Variants in VKORC1L1 observed in about 807,000 individuals in gnomAD.
The protein encoded by VKORC1L1 is vitamin K epoxide reductase complex subunit 1L1, also known as vitamin K epoxide reductase complex subunit 1-like protein 1.
VKORC1L1 carries 2 observed loss-of-function variants against 18.9 expected under a neutral mutation model. The ratio of observed to expected loss-of-function variants is 0.11; its 90% confidence interval spans 0.04 to 0.33. VKORC1L1 has a LOEUF of 0.33. VKORC1L1 is among the 10% of genes least tolerant of loss of function. The pLI is 1.00. For synonymous variants in VKORC1L1, 96 were observed against 100.0 expected (o/e 0.96, Z 0.24); for missense variants, 123 against 224.1 (o/e 0.55, Z 2.88).
intron 1 of VKORC1L1, among the ~76,000 whole-genome samples, chr7:65,916,534 TG>T (rs1252731702): frequency 2.6e-5 from 4 of 152,106 alleles, no homozygotes; most frequent in African/African-American, 9.7e-5. Context: ...TAGGGGGAAA[TG>T]GAATTAGAAG....
In VKORC1L1 at chr7:65,895,516, T is replaced by TACACACACAC. The variant is rs1554395162; in HGVS notation, c.194+21965_194+21974dup. 3.6e-3 allele frequency among the ~76,000 whole-genome samples: 258 copies of TACACACACAC among 71,170 alleles called. 3 individuals carry two copies. Among genetic ancestry groups the TACACACACAC allele is most frequent in the Non-Finnish European group, 5.0e-3 (186 of 37,244 alleles). The allele number at this position is 71,170 out of a possible 152,430, so 46.7% of individuals were successfully genotyped here. On this transcript the variant is annotated intron_variant, in intron 1 of 2. Transcript: ENST00000360768. The stretch of plus-strand genomic sequence containing the variant: ...ATATATATATATATATATATATATA[T>TACACACACAC]ACACACACACACACACACACACATA...
chr7:65,928,083 A>G (rs1789795364), intron 1 of VKORC1L1, among the ~76,000 whole-genome samples: 1 of 152,004 alleles, frequency 6.6e-6, no homozygotes, highest in Admixed American at 6.6e-5. Flanking sequence ...TATTTTCTAC[A>G]TGCCCCAAGA....
rs1396422380 is a variant in VKORC1L1 at position 65,887,249 on chromosome 7, G to C, written c.194+13684G>C. 3.3e-5 allele frequency among the ~76,000 whole-genome samples: 5 copies of C among 151,992 alleles called. No homozygotes were observed. The East Asian group carries it at 5.8e-4, about 18-fold the overall frequency. ...TCATCTGTACTGTTAATTCATAACAGTTTTCTTAAAATTTACTAAAGAAAC... is the reference window on the plus strand; with the variant it reads ...TCATCTGTACTGTTAATTCATAACACTTTTCTTAAAATTTACTAAAGAAAC... On this transcript the variant is annotated intron_variant, in intron 1 of 2. Coordinates refer to ENST00000360768, the MANE Select transcript of VKORC1L1 (RefSeq NM_173517.6).
upstream of VKORC1L1, among the ~76,000 whole-genome samples, chr7:65,872,453 C>G (rs1181130028): frequency 2.0e-5 from 3 of 151,868 alleles, no homozygotes; most frequent in Non-Finnish European, 4.4e-5. Context: ...GCTGGGATTA[C>G]AGGCGCCCAC....
At chr7:65,952,778 C>CTTTTTTTTTTTTTTTTTT (rs11395208) in intron 2 of VKORC1L1, among the ~76,000 whole-genome samples, 1 of 86,612 alleles carries the variant, frequency 1.2e-5, no homozygotes, top group African/African-American at 4.7e-5. Flanking sequence ...TTTTTTTTTC[C>CTTTTTTTTTTTTTTTTTT]TTTTTTTTTT....
chr7:65,921,862 A>T (rs1467441601), intron 1 of VKORC1L1, among the ~76,000 whole-genome samples: 1 of 151,830 alleles, frequency 6.6e-6, no homozygotes. Flanking sequence ...AAAAAAAAAA[A>T]ATTTTTTTTA....
chr7:65,922,036 C>T (rs1260540141), intron 1 of VKORC1L1, among the ~76,000 whole-genome samples: 3 of 152,074 alleles, frequency 2.0e-5, no homozygotes, highest in Non-Finnish European at 1.5e-5. Context: ...TTATTGAACT[C>T]TAATATAAAT....
At chr7:65,931,543 G>GAT (rs1437769995) in intron 1 of VKORC1L1, among the ~76,000 whole-genome samples, 1 of 152,072 alleles carries the variant, frequency 6.6e-6, no homozygotes, top group Non-Finnish European at 1.5e-5. Context: ...TGTGTCTAGT[G>GAT]ATATCCCTTC....
chr7:65,931,650 T>C (rs557625888), intron 1 of VKORC1L1, among the ~76,000 whole-genome samples: 33 of 152,324 alleles, frequency 2.2e-4, no homozygotes, highest in African/African-American at 7.7e-4. Flanking sequence ...GATTTTCTTT[T>C]TCTTTTTTTG....
chr7:65,918,026 C>G (rs1252608693), intron 1 of VKORC1L1, among the ~76,000 whole-genome samples: 2 of 152,140 alleles, frequency 1.3e-5, no homozygotes, highest in Non-Finnish European at 2.9e-5. Context: ...AGTGACAGTT[C>G]TGTCTCGATA....
In VKORC1L1 at chr7:65,946,569, A is replaced by G. The variant is rs570989396; in HGVS notation, c.195-2102A>G. ...AGAGTGATTGTGCTTTAAAAATTTC[A>G]GAAGCACTGATCTAGAGTTTCCCCT... On this transcript the variant is annotated intron_variant, in intron 1 of 2. Transcript: ENST00000360768. 3.3e-5 allele frequency among the ~76,000 whole-genome samples: 5 copies of G among 152,316 alleles called. No homozygotes were observed. The East Asian group carries it at 9.6e-4, about 29-fold the overall frequency.
chr7:65,941,034 ATAGT>A (rs1790024041), intron 1 of VKORC1L1, among the ~76,000 whole-genome samples: 1 of 152,150 alleles, frequency 6.6e-6, no homozygotes, highest in South Asian at 2.1e-4. Context: ...AAAAGTTGGG[ATAGT>A]TAGTGCTTTT....
At position 65,901,295 on chromosome 7, in the gene VKORC1L1, G is replaced by A. The variant is rs546190560; in HGVS notation, c.194+27730G>A. Reference sequence around the variant, plus strand: ...GAGGATGCCTTGAGCCCAGGAGATTGAAGCTGCAGTGAATTATGAGCCAAT... The same window carrying A: ...GAGGATGCCTTGAGCCCAGGAGATTAAAGCTGCAGTGAATTATGAGCCAAT... On this transcript the variant is annotated intron_variant, in intron 1 of 2. Coordinates refer to ENST00000360768, the MANE Select transcript of VKORC1L1 (RefSeq NM_173517.6). Among the ~76,000 whole-genome samples the A allele has an allele frequency of 2.6e-5, 4 of 152,224 alleles. No homozygotes were observed. The South Asian group carries it at 6.2e-4, about 24-fold the overall frequency.
At chr7:65,869,748 T>C (rs1263287446), upstream of VKORC1L1, among the ~76,000 whole-genome samples, 6 of 145,822 alleles carry the variant, frequency 4.1e-5, no homozygotes. Flanking sequence ...ACTCCTGGGC[T>C]CAAGTAATCC....
rs1307842704 is a variant in VKORC1L1 at position 65,958,291 on chromosome 7, A to G, written c.*3991A>G. 1 of 152,244 alleles carries G rather than the reference A, an allele frequency of 6.6e-6. No individual in the cohort carries two copies. Among genetic ancestry groups the G allele is most frequent in the East Asian group, 1.9e-4 (1 of 5,206 alleles). 9.4% of individuals were successfully genotyped at this position (152,244 alleles called of 1,614,324 possible). A position where few individuals can be genotyped will look rare whatever the true frequency, so the allele number is the denominator to read the frequency against. ...TGTATTAAGCATGGCCTAAGTATTT[A>G]TTAGGTATATGATCTGTGTAGTATG... On this transcript the variant is annotated 3_prime_UTR_variant, in exon 3 of 3. Coordinates refer to ENST00000360768, the MANE Select transcript of VKORC1L1 (RefSeq NM_173517.6).
chr7:65,909,991 C>A (rs1017134559), intron 1 of VKORC1L1, among the ~76,000 whole-genome samples: 3 of 152,092 alleles, frequency 2.0e-5, no homozygotes, highest in Admixed American at 6.6e-5. Flanking sequence ...GCTGGGATTA[C>A]AGGCATGAAC....
chr7:65,932,862 G>A (rs1270847474), intron 1 of VKORC1L1, among the ~76,000 whole-genome samples: 1 of 151,938 alleles, frequency 6.6e-6, no homozygotes, highest in Non-Finnish European at 1.5e-5. Flanking sequence ...GGTGGATCAC[G>A]AGGTCAGGAG....
At chr7:65,949,436 G>A (rs942492385) in intron 2 of VKORC1L1, among the ~76,000 whole-genome samples, 3 of 151,686 alleles carry the variant, frequency 2.0e-5, no homozygotes, top group African/African-American at 7.3e-5. Context: ...CTGAGATCGC[G>A]CCATTGCACT....
chr7:65,870,299 G>A (rs1464531324), upstream of VKORC1L1, among the ~76,000 whole-genome samples: 1 of 150,974 alleles, frequency 6.6e-6, no homozygotes, highest in Non-Finnish European at 1.5e-5. Flanking sequence ...GCGTGGTGGT[G>A]CATGCCTGTA....
Sources: gnomAD v4.1 joint callset for allele counts (sites outside exome capture counted in the v4.1 genomes callset) on GRCh38, gnomAD v4.1.1 for gene constraint, MANE v1.5 for transcripts, NCBI Gene and HGNC (gene_info 2026-07-23, HGNC 2026-07-21) for gene names.